Variants in CLEC16A observed in about 807,000 individuals in gnomAD.
The protein encoded by CLEC16A is C-type lectin domain containing 16A.
CLEC16A carries 51 observed loss-of-function variants against 109.5 expected under a neutral mutation model. The observed-to-expected ratio is 0.47, with a 90% CI of 0.37 to 0.59. CLEC16A has a LOEUF of 0.59. Among genes scored for constraint, CLEC16A ranks in the 20% least tolerant of loss-of-function variants. The probability of loss-of-function intolerance (pLI) is 0.00; values close to 1 mark genes in which losing one functional copy is unlikely to be tolerated. For synonymous variants in CLEC16A, 673 were observed against 564.2 expected (o/e 1.19, Z -2.73); for missense variants, 1,339 against 1,394.0 (o/e 0.96, Z 0.63).
intron 10 of CLEC16A, among the ~76,000 whole-genome samples, chr16:10,999,126 AG>A (rs2044507899): frequency 6.6e-6 from 1 of 152,264 alleles, no homozygotes; most frequent in Non-Finnish European, 1.5e-5. Flanking sequence ...GTTTAGAGAC[AG>A]GGTCTCACTG....
At chr16:10,977,151 C>G (rs2043068724) in intron 7 of CLEC16A, 74 bp from the exon 8 acceptor site, 1 of 1,388,820 alleles carries the variant, frequency 7.2e-7, no homozygotes, top group Non-Finnish European at 1.0e-6. Flanking sequence ...TGACCTAAGT[C>G]TCAGGCCATT....
At chr16:11,128,303 C>T (rs1346795549) in intron 22 of CLEC16A, among the ~76,000 whole-genome samples, 1 of 152,248 alleles carries the variant, frequency 6.6e-6, no homozygotes, top group Non-Finnish European at 1.5e-5. Flanking sequence ...CTCTTCTACC[C>T]TGCCTGGCCT....
Position 10,994,736 on chromosome 16 carries a change from C to G in CLEC16A, c.1072-8338C>G, listed in dbSNP as rs1366306575. On this transcript the variant is annotated intron_variant, in intron 10 of 23. Transcript: ENST00000409790. ...AAAGTGAAAAGAGTCACATTATAGA[C>G]AACCATATAATTGTCAGGCTAGAGG... Among the ~76,000 whole-genome samples the G allele has an allele frequency of 2.0e-5, 3 of 152,154 alleles. No homozygotes were observed. In the East Asian group the frequency reaches 5.8e-4, roughly 29 times the overall value.
intron 22 of CLEC16A, among the ~76,000 whole-genome samples, chr16:11,140,286 T>C (rs750543215): frequency 1.3e-5 from 2 of 152,122 alleles, no homozygotes; most frequent in African/African-American, 2.4e-5. Context: ...CTGTTGAACC[T>C]CACGGATGGC....
intron 1 of CLEC16A, among the ~76,000 whole-genome samples, chr16:10,951,736 T>A (rs10492842): frequency 0.081 from 12,291 of 152,296 alleles, 1,144 homozygotes; most frequent in African/African-American, 0.22. Context: ...TGGTTATCAT[T>A]GTAAGAGAAA....
rs200244206 is a variant in CLEC16A, at chr16:11,039,778, G to A, written c.1562G>A (p.Arg521Gln). ...NKGMDPEKLE[R>Q]IQLPVPNAAE... The stretch of plus-strand genomic sequence containing the variant: ...GGCATGGATCCTGAAAAATTAGAGC[G>A]AATCCAGCTCCCCGTGCCAAATGCG... The change falls in exon 14 of 24, where the codon CGA becomes CAA. Residue 521 changes from arginine (R) to glutamine (Q), a missense_variant. Physicochemically the swap from Arg to Gln is conservative, Grantham distance 43. This residue lies in a region of CLEC16A where 1,061 missense variants were observed against 1,006.8 expected (regional missense o/e 1.05). Coordinates refer to ENST00000409790, the MANE Select transcript of CLEC16A (RefSeq NM_015226.3). 43 of 1,604,268 alleles carry A rather than the reference G, an allele frequency of 2.7e-5. No individual in the cohort carries two copies. Among genetic ancestry groups the A allele is most frequent in the Admixed American group, 1.0e-4 (6 of 58,732 alleles).
intron 13 of CLEC16A, chr16:11,036,046 G>A (rs1314250714): frequency 6.6e-6 from 1 of 152,584 alleles, no homozygotes; most frequent in Non-Finnish European, 1.5e-5. Context: ...CTGCCTCCCA[G>A]GGCTGGTGGT....
At chr16:11,040,534 A>G (rs1167327723) in intron 14 of CLEC16A, 1 of 21,364 alleles carries the variant, frequency 4.7e-5, no homozygotes, top group Non-Finnish European at 8.0e-5. Context: ...TTTTTTTGAG[A>G]TGGAGTCTCG....
In CLEC16A at chr16:11,178,363, G is replaced by C. The variant is rs201153031; in HGVS notation, c.2835G>C (p.Lys945Asn). ...CCCCCATGAGTCCAGAACTGCCTAA[G>C]CCTCACCTTCCTGACCAGTTGGTAA... ...ADAPMSPELP[K>N]PHLPDQLVIV... Residue 945 changes from lysine to asparagine, a missense_variant, in exon 24 of 24, where the codon AAG (lysine) becomes AAC (asparagine). By Grantham distance (94) the Lys-to-Asn change is moderately conservative (BLOSUM62 0). Around this residue, in one of 3 missense-constraint regions of CLEC16A, gnomAD observed 1,061 missense variants for 1,006.8 expected, o/e 1.05. Coordinates refer to ENST00000409790, the MANE Select transcript of CLEC16A (RefSeq NM_015226.3). The surrounding 1 kb of genome is among the most constrained non-coding windows in gnomAD (Gnocchi z 6.5). The C allele has an allele frequency of 6.2e-6, 10 of 1,613,294 alleles. No individual in the cohort carries two copies. The Admixed American group carries it at 1.7e-4, about 27-fold the overall frequency.
intron 22 of CLEC16A, among the ~76,000 whole-genome samples, chr16:11,131,669 C>G (rs941115606): frequency 3.3e-5 from 5 of 152,196 alleles, no homozygotes; most frequent in African/African-American, 1.2e-4. Context: ...CCGCTCCCCA[C>G]CAGCCTGTTA....
chr16:11,084,347 T>C (rs565357008), intron 19 of CLEC16A, among the ~76,000 whole-genome samples: 21 of 152,326 alleles, frequency 1.4e-4, no homozygotes, highest in African/African-American at 5.1e-4. Context: ...CTTTGGTTCA[T>C]GTGGGTACCA....
intron 11 of CLEC16A, among the ~76,000 whole-genome samples, chr16:11,005,560 C>G (rs895807521): frequency 6.6e-6 from 1 of 152,198 alleles, no homozygotes; most frequent in Non-Finnish European, 1.5e-5. Flanking sequence ...CATTTTGTCA[C>G]TCAGCTCACC....
rs112276898 is a variant in CLEC16A at position 11,058,573 on chromosome 16, T to C, written c.1996-2329T>C. Among the ~76,000 whole-genome samples the C allele has an allele frequency of 5.5e-3, 840 of 152,222 alleles. 7 individuals are homozygous for C. Among genetic ancestry groups the C allele is most frequent in the African/African-American group, 0.019 (787 of 41,516 alleles). The stretch of plus-strand genomic sequence containing the variant: ...CTACAGTTGGTTGAATCCACAGATA[T>C]GGAACCCATGGATACAGAGAGCTGA... On this transcript the variant is annotated intron_variant, in intron 18 of 23. Coordinates refer to ENST00000409790, the MANE Select transcript of CLEC16A (RefSeq NM_015226.3).
At chr16:11,002,349 G>A (rs902336885) in intron 10 of CLEC16A, among the ~76,000 whole-genome samples, 15 of 151,982 alleles carry the variant, frequency 9.9e-5, no homozygotes, top group African/African-American at 3.6e-4. Flanking sequence ...GCTGCTGCTG[G>A]TAAAGTGCAC....
At chr16:11,110,025 G>A (rs549686987) in intron 19 of CLEC16A, among the ~76,000 whole-genome samples, 2 of 152,280 alleles carry the variant, frequency 1.3e-5, no homozygotes, top group South Asian at 4.1e-4. Flanking sequence ...ATTGTGAAGG[G>A]ATTATTAAAA....
At chr16:11,000,130 G>T (rs555183506) in intron 10 of CLEC16A, among the ~76,000 whole-genome samples, 1 of 152,162 alleles carries the variant, frequency 6.6e-6, no homozygotes, top group African/African-American at 2.4e-5. Flanking sequence ...GAGCCACCAC[G>T]CCCGGCCTCT....
At chr16:11,104,485 C>T (rs1015175460) in intron 19 of CLEC16A, among the ~76,000 whole-genome samples, 1 of 152,154 alleles carries the variant, frequency 6.6e-6, no homozygotes, top group African/African-American at 2.4e-5. Context: ...GACCTCACCC[C>T]CTAAGGAAGG....
intron 19 of CLEC16A, among the ~76,000 whole-genome samples, chr16:11,116,754 C>T (rs560856878): frequency 6.6e-6 from 1 of 152,290 alleles, no homozygotes; most frequent in East Asian, 1.9e-4. Flanking sequence ...AAAATTGATA[C>T]CACCCATGTT....
At chr16:11,052,200 A>G (rs2047983839) in intron 18 of CLEC16A, among the ~76,000 whole-genome samples, 1 of 152,150 alleles carries the variant, frequency 6.6e-6, no homozygotes. Context: ...TCTAGGAAGC[A>G]GTGTCCTCAG....
Sources: allele counts gnomAD v4.1 joint callset (sites outside exome capture counted in the v4.1 genomes callset), GRCh38; gene constraint gnomAD v4.1.1; regional missense constraint gnomAD v4.1.1; non-coding constraint Gnocchi (gnomAD v3.1); transcripts MANE v1.5; gene names NCBI Gene and HGNC (gene_info 2026-07-23, HGNC 2026-07-21).